Variants in TM4SF4 observed in about 807,000 individuals in gnomAD.
TM4SF4 encodes the protein transmembrane 4 L six family member 4.
A neutral mutation model predicts 24.1 loss-of-function variants in TM4SF4; 24 were observed. That is an observed-to-expected ratio of 1.00 (90% confidence interval 0.72 to 1.40). The LOEUF is 1.40. TM4SF4 is among the 40% of genes most tolerant of loss of function. The pLI is 0.00. For synonymous variants in TM4SF4, 113 were observed against 97.0 expected (o/e 1.17, Z -0.97); for missense variants, 254 against 254.2 (o/e 1.00, Z 0.01).
intron 2 of TM4SF4, among the ~76,000 whole-genome samples, chr3:149,480,898 C>A (rs1734022101): frequency 2.0e-5 from 3 of 151,896 alleles, no homozygotes; most frequent in Admixed American, 2.0e-4. Flanking sequence ...CACTGTTGCC[C>A]GGGCTGGTGT....
intron 3 of TM4SF4, chr3:149,496,080 C>T (rs1734305540): frequency 1.1e-5 from 2 of 177,872 alleles, no homozygotes; most frequent in Non-Finnish European, 2.4e-5. Flanking sequence ...CTGTTTGTCT[C>T]ATTTGGCCGT....
chr3:149,482,090 C>T (rs992407988), intron 2 of TM4SF4, among the ~76,000 whole-genome samples: 1 of 152,306 alleles, frequency 6.6e-6, no homozygotes, highest in East Asian at 1.9e-4. Flanking sequence ...CAGCCTATCC[C>T]ACGTGGGGAT....
intron 3 of TM4SF4, chr3:149,495,869 C>T (rs141980935): frequency 0.012 from 2,091 of 181,086 alleles, 30 homozygotes; most frequent in Non-Finnish European, 0.016. Flanking sequence ...TCTGACTATC[C>T]TCCTCTGGGT....
At chr3:149,495,263 T>A in intron 3 of TM4SF4, 1 of 218,212 alleles carries the variant, frequency 4.6e-6, no homozygotes, top group Non-Finnish European at 9.9e-6. Flanking sequence ...AGTAGTAACA[T>A]GCCTTGGTTC....
intron 3 of TM4SF4, among the ~76,000 whole-genome samples, chr3:149,489,564 G>A (rs931024004): frequency 2.0e-5 from 3 of 152,190 alleles, no homozygotes; most frequent in Non-Finnish European, 4.4e-5. Flanking sequence ...CCCTACTTGG[G>A]ATGGGATGGG....
intron 3 of TM4SF4, chr3:149,495,501 C>A: frequency 2.4e-6 from 1 of 421,648 alleles, no homozygotes; most frequent in South Asian, 2.3e-5. Flanking sequence ...CAACTAAAGT[C>A]TGTTGAAATG....
chr3:149,501,952 A>G, intron 4 of TM4SF4, among the ~76,000 whole-genome samples: 1 of 152,192 alleles, frequency 6.6e-6, no homozygotes, highest in East Asian at 1.9e-4. Flanking sequence ...GTAGCCCTCA[A>G]CTGCTCCTTG....
chr3:149,502,075 G>C (rs1207970559), intron 4 of TM4SF4, among the ~76,000 whole-genome samples: 1 of 152,174 alleles, frequency 6.6e-6, no homozygotes, highest in Non-Finnish European at 1.5e-5. Context: ...AAATGGCATT[G>C]AATGTTATTT....
Position 149,502,836 on chromosome 3 carries a change from A to G in TM4SF4, c.*143A>G. ...AAAAGGCAGTTATTCCTTCTTTCCAACCAGCTTTGCTCGAGTTAGAATTTT... is the reference window on the plus strand; with the variant it reads ...AAAAGGCAGTTATTCCTTCTTTCCAGCCAGCTTTGCTCGAGTTAGAATTTT... On this transcript the variant is annotated 3_prime_UTR_variant, in exon 5 of 5. Coordinates refer to ENST00000305354, the MANE Select transcript of TM4SF4 (RefSeq NM_004617.4). The G allele has an allele frequency of 1.7e-6, 1 of 586,832 alleles. No homozygotes were observed. Among genetic ancestry groups the G allele is most frequent in the East Asian group, 3.0e-5 (1 of 33,802 alleles). 36.4% of individuals were successfully genotyped at this position (586,832 alleles called of 1,614,324 possible). A position where few individuals can be genotyped will look rare whatever the true frequency, so the allele number is the denominator to read the frequency against.
chr3:149,493,563 G>A (rs1458439159), intron 3 of TM4SF4, among the ~76,000 whole-genome samples: 8 of 152,236 alleles, frequency 5.3e-5, no homozygotes, highest in Non-Finnish European at 1.0e-4. Context: ...TCTCCTTGGA[G>A]CATTAGGAAA....
chr3:149,475,800 T>C, intron 1 of TM4SF4, 23 bp from the exon 2 acceptor site: 1 of 1,590,548 alleles, frequency 6.3e-7, no homozygotes, highest in East Asian at 2.3e-5. Context: ...GGACTCTCTC[T>C]GAGGTGCCTC....
chr3:149,502,627 T>C (rs1306145980), intron 4 of TM4SF4, 49 bp from the exon 5 acceptor site: 1 of 1,505,330 alleles, frequency 6.6e-7, no homozygotes, highest in Non-Finnish European at 9.2e-7. Flanking sequence ...AAAGCAAAAA[T>C]TTACATAAAT....
At chr3:149,502,613 G>C in intron 4 of TM4SF4, 63 bp from the exon 5 acceptor site, 1 of 1,264,182 alleles carries the variant, frequency 7.9e-7, no homozygotes, top group South Asian at 1.2e-5. Flanking sequence ...TGGGAAGGAG[G>C]GGAAAAGCAA....
At chr3:149,494,100 A>G (rs1259453133) in intron 3 of TM4SF4, among the ~76,000 whole-genome samples, 2 of 152,210 alleles carry the variant, frequency 1.3e-5, no homozygotes, top group African/African-American at 4.8e-5. Context: ...TGCCAGGTCC[A>G]TGAAAAACTG....
chr3:149,493,759 G>A (rs1469963766), intron 3 of TM4SF4, among the ~76,000 whole-genome samples: 4 of 152,182 alleles, frequency 2.6e-5, no homozygotes, highest in Non-Finnish European at 5.9e-5. Flanking sequence ...GCAGCGCAGG[G>A]TCCAGGGGCT....
intron 2 of TM4SF4, among the ~76,000 whole-genome samples, chr3:149,483,836 A>G (rs1429391707): frequency 3.3e-5 from 5 of 152,294 alleles, no homozygotes; most frequent in African/African-American, 1.2e-4. Context: ...ACTGGAGTGC[A>G]GCGGTGTGAT....
At chr3:149,489,393 A>G (rs1430020427) in intron 3 of TM4SF4, among the ~76,000 whole-genome samples, 3 of 152,270 alleles carry the variant, frequency 2.0e-5, no homozygotes, top group Non-Finnish European at 4.4e-5. Flanking sequence ...TTATGTGAAT[A>G]ATACTACCCT....
intron 3 of TM4SF4, chr3:149,496,118 A>G (rs563217028): frequency 6.4e-6 from 1 of 156,818 alleles, no homozygotes; most frequent in African/African-American, 2.4e-5. Flanking sequence ...AGACTGGTTA[A>G]TGTTAACAAT....
At chr3:149,489,948 G>A (rs181131871) in intron 3 of TM4SF4, among the ~76,000 whole-genome samples, 13 of 152,036 alleles carry the variant, frequency 8.6e-5, no homozygotes, top group Admixed American at 6.5e-5. Context: ...TTTGAACACC[G>A]AGACATCTGT....
Sources: gnomAD v4.1 joint callset for allele counts (sites outside exome capture counted in the v4.1 genomes callset) on GRCh38, gnomAD v4.1.1 for gene constraint, MANE v1.5 for transcripts, NCBI Gene and HGNC (gene_info 2026-07-23, HGNC 2026-07-21) for gene names.